The following NRG3 variants were observed in gnomAD, a reference collection of about 807,000 sequenced individuals.
The protein encoded by NRG3 is pro-neuregulin-3, membrane-bound isoform.
NRG3 carries 31 observed loss-of-function variants against 66.9 expected under a neutral mutation model. The observed-to-expected ratio is 0.46, with a 90% CI of 0.35 to 0.63. The LOEUF is 0.63. Among genes scored for constraint, NRG3 ranks in the 20% least tolerant of loss-of-function variants. The pLI is 0.00. For missense variants in NRG3, 910 were observed against 878.9 expected (o/e 1.04, Z -0.45); for synonymous variants, 393 against 359.4 (o/e 1.09, Z -1.06).
chr10:82,040,787 G>A (rs1342293192), intron 1 of NRG3, among the ~76,000 whole-genome samples: 1 of 152,002 alleles, frequency 6.6e-6, no homozygotes, highest in Non-Finnish European at 1.5e-5. Flanking sequence ...AAAAGAAAAT[G>A]ACAGATTTAT....
At chr10:82,835,641 A>G (rs570210193) in intron 3 of NRG3, among the ~76,000 whole-genome samples, 1 of 152,094 alleles carries the variant, frequency 6.6e-6, no homozygotes, top group East Asian at 1.9e-4. Flanking sequence ...AGATTTCATG[A>G]CCCTCCATCT....
chr10:82,966,974 A>G (rs1215652490), intron 6 of NRG3, among the ~76,000 whole-genome samples: 3 of 151,364 alleles, frequency 2.0e-5, no homozygotes, highest in Non-Finnish European at 2.9e-5. Flanking sequence ...TATGTTGTAC[A>G]TTTTCTGCCT....
chr10:82,687,670 T>TG (rs1442263539), intron 2 of NRG3, among the ~76,000 whole-genome samples: 3 of 152,032 alleles, frequency 2.0e-5, no homozygotes, highest in Non-Finnish European at 4.4e-5. Flanking sequence ...GGTGAAGATA[T>TG]GTGATGTGTT....
At chr10:82,195,263 T>G (rs560166151) in intron 1 of NRG3, among the ~76,000 whole-genome samples, 1 of 152,306 alleles carries the variant, frequency 6.6e-6, no homozygotes, top group Non-Finnish European at 1.5e-5. Flanking sequence ...AAAAAATCCT[T>G]GTTCATGTTT....
chr10:82,936,617 C>T (rs1848093460), intron 4 of NRG3, among the ~76,000 whole-genome samples: 1 of 152,034 alleles, frequency 6.6e-6, no homozygotes, highest in Non-Finnish European at 1.5e-5. Context: ...AGTCTTTTCC[C>T]CACAAAAATG....
chr10:82,372,082 G>A (rs1050141115), intron 2 of NRG3, among the ~76,000 whole-genome samples: 8 of 152,134 alleles, frequency 5.3e-5, no homozygotes, highest in African/African-American at 1.7e-4. Context: ...AAGCCAGGAC[G>A]GGCTTCAGAG....
intron 1 of NRG3, among the ~76,000 whole-genome samples, chr10:82,337,902 A>G (rs2082473709): frequency 6.6e-6 from 1 of 152,220 alleles, no homozygotes; most frequent in South Asian, 2.1e-4. Flanking sequence ...TATTTTAATC[A>G]TATTACATAA....
At chr10:82,548,014 C>CA (rs937247117) in intron 2 of NRG3, among the ~76,000 whole-genome samples, 2 of 108,938 alleles carry the variant, frequency 1.8e-5, no homozygotes, top group African/African-American at 3.6e-5. Context: ...ACCTGGAGGA[C>CA]AAAAAAAGAA....
chr10:82,140,798 C>T (rs78324167), intron 1 of NRG3, among the ~76,000 whole-genome samples: 179 of 152,112 alleles, frequency 1.2e-3, no homozygotes, highest in African/African-American at 4.0e-3. Flanking sequence ...TGTCTTGGCA[C>T]GAAGTTTCAC....
In NRG3 at chr10:82,398,526, T is replaced by TGAGAGAGA. The variant is rs10690548; in HGVS notation, c.953+39670_953+39677dup. 3.0e-3 allele frequency among the ~76,000 whole-genome samples: 403 copies of TGAGAGAGA among 136,548 alleles called. 1 individual carries two copies. Among genetic ancestry groups the TGAGAGAGA allele is most frequent in the African/African-American group, 9.1e-3 (310 of 34,230 alleles). The allele number at this position is 136,548 out of a possible 152,430, so 89.6% of individuals were successfully genotyped here. On this transcript the variant is annotated intron_variant, in intron 2 of 8. Coordinates refer to ENST00000372141, the MANE Select transcript of NRG3 (RefSeq NM_001010848.4). The stretch of plus-strand genomic sequence containing the variant: ...GTGTGTGTGTGTGTGTGTGTGTGTG[T>TGAGAGAGA]GAGAGAGAGAGAGAGAGAGTATGAG...
chr10:82,879,151 T>C (rs1170906317), intron 4 of NRG3, among the ~76,000 whole-genome samples: 1 of 152,252 alleles, frequency 6.6e-6, no homozygotes, highest in African/African-American at 2.4e-5. Context: ...CTTTTTCTCA[T>C]CAGCCTCTTC....
chr10:82,512,282 C>A (rs138300464), intron 2 of NRG3, among the ~76,000 whole-genome samples: 5,901 of 151,144 alleles, frequency 0.039, 126 homozygotes, highest in Non-Finnish European at 0.047. Flanking sequence ...TTTTATTTAT[C>A]TTTTATTTTT....
chr10:81,958,516 G>A (rs888945663), intron 1 of NRG3, among the ~76,000 whole-genome samples: 1 of 152,154 alleles, frequency 6.6e-6, no homozygotes, highest in Non-Finnish European at 1.5e-5. Context: ...CCACATAGAT[G>A]GTATTGTGCC....
chr10:82,509,340 G>A (rs1256914251), intron 2 of NRG3, among the ~76,000 whole-genome samples: 1 of 152,188 alleles, frequency 6.6e-6, no homozygotes, highest in Non-Finnish European at 1.5e-5. Context: ...TGTGAAAAGT[G>A]TTGACTTAGA....
intron 1 of NRG3, among the ~76,000 whole-genome samples, chr10:81,883,747 T>G (rs1252432517): frequency 6.6e-6 from 1 of 152,184 alleles, no homozygotes; most frequent in Non-Finnish European, 1.5e-5. Context: ...TCTGGCATGA[T>G]TTCCTGTGAA....
intron 3 of NRG3, among the ~76,000 whole-genome samples, chr10:82,788,691 CAT>C (rs2135351756): frequency 6.6e-6 from 1 of 152,140 alleles, no homozygotes; most frequent in East Asian, 1.9e-4. Context: ...AAAAAATATA[CAT>C]ATGTTATTTT....
intron 2 of NRG3, among the ~76,000 whole-genome samples, chr10:82,424,855 TG>T (rs1382315355): frequency 6.6e-6 from 1 of 151,978 alleles, no homozygotes; most frequent in Non-Finnish European, 1.5e-5. Context: ...CTTTTGGATG[TG>T]GGTATCTAGT....
intron 1 of NRG3, among the ~76,000 whole-genome samples, chr10:82,245,751 T>A (rs1041170721): frequency 6.6e-6 from 1 of 152,158 alleles, no homozygotes; most frequent in Admixed American, 6.6e-5. Flanking sequence ...GGACATGAAT[T>A]TAACCACACA....
intron 1 of NRG3, among the ~76,000 whole-genome samples, chr10:82,358,517 C>G (rs1460232054): frequency 6.6e-6 from 1 of 152,106 alleles, no homozygotes; most frequent in Non-Finnish European, 1.5e-5. Context: ...TCCAGAGTGA[C>G]TCCAATAGAT....
Sources: gnomAD v4.1 joint callset for allele counts (sites outside exome capture counted in the v4.1 genomes callset) on GRCh38, gnomAD v4.1.1 for gene constraint, MANE v1.5 for transcripts, NCBI Gene and HGNC (gene_info 2026-07-23, HGNC 2026-07-21) for gene names.